Variants in SHISA9 observed in about 807,000 individuals in gnomAD.
SHISA9 encodes protein shisa-9.
In SHISA9, 13 loss-of-function variants were observed where a neutral mutation model predicts 38.0. The ratio of observed to expected loss-of-function variants is 0.34; its 90% CI spans 0.22 to 0.54. The LOEUF is 0.54. Among genes scored for constraint, SHISA9 ranks in the 20% least tolerant of loss-of-function variants. The pLI is 0.91. For synonymous variants in SHISA9, 275 were observed against 242.0 expected, an observed-to-expected ratio of 1.14 and a Z score of -1.27; for missense variants, 538 against 575.8, an observed-to-expected ratio of 0.93 and a Z score of 0.67.
At chr16:13,543,273 C>A in the SHISA9 span, among the ~76,000 whole-genome samples, 1 of 152,240 alleles carries the variant, frequency 6.6e-6, no homozygotes, top group South Asian at 2.1e-4. Context: ...ACTGTAACAA[C>A]AGAGGGGTGT....
intron 2 of SHISA9, among the ~76,000 whole-genome samples, chr16:12,992,443 A>C (rs1052407993): frequency 1.3e-5 from 2 of 151,958 alleles, no homozygotes; most frequent in African/African-American, 4.8e-5. Flanking sequence ...GAGGCAGAAG[A>C]ATCGCTTGAA....
chr16:13,038,388 A>T (rs11075179), intron 2 of SHISA9, among the ~76,000 whole-genome samples: 90,731 of 152,104 alleles, frequency 0.6, 28,146 homozygotes, highest in Middle Eastern at 0.74. Context: ...GTGGCCCACA[A>T]GGTCCTGCAC....
the SHISA9 span, among the ~76,000 whole-genome samples, chr16:13,483,726 G>C: frequency 3.9e-5 from 6 of 151,982 alleles, no homozygotes; most frequent in Admixed American, 3.3e-4. Context: ...TTGAGGTCAT[G>C]AATCTTCCCT....
At chr16:13,321,600 G>T in the SHISA9 span, among the ~76,000 whole-genome samples, 2 of 152,192 alleles carry the variant, frequency 1.3e-5, no homozygotes, top group Middle Eastern at 3.2e-3. Flanking sequence ...CACACTGATT[G>T]TAAAGGCTGA....
intron 2 of SHISA9, among the ~76,000 whole-genome samples, chr16:12,942,720 G>A (rs534393705): frequency 3.3e-5 from 5 of 152,172 alleles, no homozygotes; most frequent in South Asian, 2.1e-4. Context: ...ACCCAGAAGC[G>A]CACAGCCACA....
At chr16:13,400,082 C>T in the SHISA9 span, among the ~76,000 whole-genome samples, 8 of 152,176 alleles carry the variant, frequency 5.3e-5, no homozygotes, top group South Asian at 6.2e-4. Flanking sequence ...ATTACTTTTA[C>T]AGTCCATGGA....
the SHISA9 span, among the ~76,000 whole-genome samples, chr16:13,333,466 G>A: frequency 6.6e-6 from 1 of 152,192 alleles, no homozygotes; most frequent in African/African-American, 2.4e-5. Flanking sequence ...ATATCCAGGA[G>A]GGAGGGAGGA....
At chr16:13,242,849 T>TA (rs1481494918), downstream of SHISA9, among the ~76,000 whole-genome samples, 2 of 152,348 alleles carry the variant, frequency 1.3e-5, no homozygotes, top group African/African-American at 4.8e-5. Context: ...TTAGTGTGTA[T>TA]ATTAATAACA....
intron 2 of SHISA9, among the ~76,000 whole-genome samples, chr16:13,101,778 C>T (rs192482552): frequency 6.6e-6 from 1 of 152,304 alleles, no homozygotes; most frequent in South Asian, 2.1e-4. Context: ...TCCACATCCT[C>T]GCCAATACTT....
intron 2 of SHISA9, among the ~76,000 whole-genome samples, chr16:12,931,072 A>G (rs1185189084): frequency 6.6e-6 from 1 of 152,168 alleles, no homozygotes; most frequent in African/African-American, 2.4e-5. Context: ...TAAGAACAAA[A>G]GATGCAGTCT....
At chr16:13,496,608 A>T in the SHISA9 span, among the ~76,000 whole-genome samples, 3 of 152,222 alleles carry the variant, frequency 2.0e-5, no homozygotes, top group South Asian at 6.2e-4. Context: ...CTTCCATAAG[A>T]TACGATTGCT....
intron 2 of SHISA9, among the ~76,000 whole-genome samples, chr16:12,972,143 T>C (rs2072092985): frequency 6.6e-6 from 1 of 150,750 alleles, no homozygotes; most frequent in African/African-American, 2.4e-5. Context: ...TAAAGGTAAA[T>C]AAAAATAAAT....
At chr16:13,395,761 T>A in the SHISA9 span, among the ~76,000 whole-genome samples, 1 of 152,216 alleles carries the variant, frequency 6.6e-6, no homozygotes, top group Non-Finnish European at 1.5e-5. Flanking sequence ...TAAATATTTG[T>A]CAAATGAGTG....
chr16:13,169,564 C>T (rs2050667453), intron 2 of SHISA9, among the ~76,000 whole-genome samples: 1 of 152,054 alleles, frequency 6.6e-6, no homozygotes, highest in African/African-American at 2.4e-5. Flanking sequence ...GATGAAAAAC[C>T]ACAACTCTGG....
intron 2 of SHISA9, among the ~76,000 whole-genome samples, chr16:12,984,123 C>G (rs2072276722): frequency 6.6e-6 from 1 of 152,120 alleles, no homozygotes; most frequent in Admixed American, 6.5e-5. Context: ...AGCCCAGGGG[C>G]CCCTGGCCTT....
chr16:13,313,055 A>T, the SHISA9 span, among the ~76,000 whole-genome samples: 2 of 151,478 alleles, frequency 1.3e-5, no homozygotes, highest in African/African-American at 4.8e-5. Flanking sequence ...GGAGTTCGAG[A>T]CCATCCCGGC....
the SHISA9 span, among the ~76,000 whole-genome samples, chr16:13,463,576 G>T: frequency 6.6e-6 from 1 of 152,322 alleles, no homozygotes; most frequent in African/African-American, 2.4e-5. Context: ...GGTAGCCAAG[G>T]TCTAAAAGAA....
At chr16:13,386,856 T>A in the SHISA9 span, among the ~76,000 whole-genome samples, 1 of 152,256 alleles carries the variant, frequency 6.6e-6, no homozygotes, top group Non-Finnish European at 1.5e-5. Context: ...TATTTAAATT[T>A]ATTTACCATT....
Position 13,233,750 on chromosome 16 carries a change from C to A in SHISA9, c.896-1280C>A, listed in dbSNP as rs184651358. On this transcript the variant is annotated intron_variant, in intron 4 of 4. Transcript: ENST00000558583. ...ACAGGCCTGGTGCGGTAGCTCACAC[C>A]TGTAATCCCAAGCACTTTGGGAGGC... Among the ~76,000 whole-genome samples, 107 of 152,370 alleles carry A rather than the reference C, an allele frequency of 7.0e-4. 1 individual carries two copies. The East Asian group carries it at 0.019, about 27-fold the overall frequency.
Sources: allele counts gnomAD v4.1 joint callset (sites outside exome capture counted in the v4.1 genomes callset), GRCh38; gene constraint gnomAD v4.1.1; transcripts MANE v1.5; gene names NCBI Gene and HGNC (gene_info 2026-07-23, HGNC 2026-07-21).